Variants in KIRREL3 observed in about 807,000 individuals in gnomAD.
KIRREL3 encodes the protein kirre like nephrin family adhesion molecule 3.
KIRREL3 carries 36 observed loss-of-function variants against 89.7 expected under a neutral mutation model. The ratio of observed to expected loss-of-function variants is 0.40; its 90% CI spans 0.31 to 0.53. The LOEUF is 0.53. Among genes scored for constraint, KIRREL3 ranks in the 20% least tolerant of loss-of-function variants. KIRREL3 has a pLI of 0.49. For missense variants in KIRREL3, 864 were observed against 1,056.6 expected, an observed-to-expected ratio of 0.82 and a Z score of 2.53; for synonymous variants, 445 against 441.4, an observed-to-expected ratio of 1.01 and a Z score of -0.10.
intron 1 of KIRREL3, among the ~76,000 whole-genome samples, chr11:126,963,066 A>T (rs556374704): frequency 2.0e-5 from 3 of 152,320 alleles, no homozygotes; most frequent in South Asian, 2.1e-4. Flanking sequence ...CTTTATTGCA[A>T]TGCTCACTTC....
Position 126,562,703 on chromosome 11 carries a change from C to T in KIRREL3, c.133+132G>A. On this transcript the variant is annotated intron_variant, in intron 2 of 16. Transcript: ENST00000525144. The surrounding 1 kb of genome is among the most constrained non-coding windows in gnomAD (Gnocchi z 4.7). ...ATTGTACAAATGGCTTCATGGAAAC[C>T]AAACTGGTCTTCCCACTGTCCCCTT... 1 of 643,886 alleles carries T rather than the reference C, an allele frequency of 1.6e-6. No individual in the cohort carries two copies. Among genetic ancestry groups the T allele is most frequent in the Admixed American group, 2.9e-5 (1 of 34,782 alleles). The allele number at this position is 643,886 out of a possible 1,614,324, so 39.9% of individuals were successfully genotyped here.
In KIRREL3 at chr11:126,783,917, A is replaced by G. The variant is rs1950402785; in HGVS notation, c.55+216538T>C. The stretch of plus-strand genomic sequence containing the variant: ...AGCAACAGTGATGTGCCATGTTGAT[A>G]GCACACACCCTTGATAGGATACGAT... On this transcript the variant is annotated intron_variant, in intron 1 of 16. Coordinates refer to ENST00000525144, the MANE Select transcript of KIRREL3 (RefSeq NM_032531.4). This position sits in a 1 kb window ranked among gnomAD's most constrained non-coding sequence, Gnocchi z 4.3. Among the ~76,000 whole-genome samples the G allele has an allele frequency of 6.6e-6, 1 of 152,246 alleles. No homozygotes were observed. Among genetic ancestry groups the G allele is most frequent in the Non-Finnish European group, 1.5e-5 (1 of 68,040 alleles).
At chr11:126,487,370 C>G (rs932025511) in intron 4 of KIRREL3, among the ~76,000 whole-genome samples, 1 of 152,180 alleles carries the variant, frequency 6.6e-6, no homozygotes, top group African/African-American at 2.4e-5. Flanking sequence ...GAGACACACA[C>G]AGTCCTTTGG....
chr11:126,987,035 A>G lies in KIRREL3; in HGVS notation c.55+13420T>C, dbSNP rs1011463128. Among the ~76,000 whole-genome samples, 1 of 152,170 alleles carries G rather than the reference A, an allele frequency of 6.6e-6. No individual in the cohort carries two copies. Among genetic ancestry groups the G allele is most frequent in the African/African-American group, 2.4e-5 (1 of 41,444 alleles). On this transcript the variant is annotated intron_variant, in intron 1 of 16. Transcript: ENST00000525144. This position sits in a 1 kb window ranked among gnomAD's most constrained non-coding sequence, Gnocchi z 4.6. Reference sequence around the variant, plus strand: ...AGAAGGTCTGGACTGGGGTCCAAAAATGGGGATTTCTAACAATCTCCAAGT... The same window carrying G: ...AGAAGGTCTGGACTGGGGTCCAAAAGTGGGGATTTCTAACAATCTCCAAGT...
At chr11:126,968,595 C>T (rs1478986923) in intron 1 of KIRREL3, among the ~76,000 whole-genome samples, 3 of 152,180 alleles carry the variant, frequency 2.0e-5, no homozygotes, top group South Asian at 2.1e-4. Flanking sequence ...ATGCTAACAG[C>T]GTGCTGGAGA....
In KIRREL3 at chr11:126,981,225, C is replaced by A. The variant is rs1949711447; in HGVS notation, c.55+19230G>T. Among the ~76,000 whole-genome samples, 1 of 152,098 alleles carries A rather than the reference C, an allele frequency of 6.6e-6. No individual in the cohort carries two copies. Among genetic ancestry groups the A allele is most frequent in the Non-Finnish European group, 1.5e-5 (1 of 68,020 alleles). On this transcript the variant is annotated intron_variant, in intron 1 of 16. Transcript: ENST00000525144. This position sits in a 1 kb window ranked among gnomAD's most constrained non-coding sequence, Gnocchi z 4.2. ...CATGGCCCGTTGGACCACAGCAAGACCTTCTTATTTTTGCAAGCTATTCTA... is the reference window on the plus strand; with the variant it reads ...CATGGCCCGTTGGACCACAGCAAGAACTTCTTATTTTTGCAAGCTATTCTA...
intron 1 of KIRREL3, among the ~76,000 whole-genome samples, chr11:126,984,560 T>G (rs901108632): frequency 3.3e-5 from 5 of 152,206 alleles, no homozygotes; most frequent in Admixed American, 6.5e-5. Flanking sequence ...TGCTAAGTCC[T>G]TACTATAATG....
chr11:126,556,149 G>A (rs1939690081), intron 2 of KIRREL3, among the ~76,000 whole-genome samples: 1 of 152,196 alleles, frequency 6.6e-6, no homozygotes, highest in East Asian at 1.9e-4. Context: ...AAACGACCTG[G>A]GCATGGGGAT....
intron 1 of KIRREL3, among the ~76,000 whole-genome samples, chr11:126,967,417 TG>T (rs1271533743): frequency 6.6e-6 from 1 of 152,154 alleles, no homozygotes; most frequent in Non-Finnish European, 1.5e-5. Context: ...AGGGAAGATC[TG>T]CCTTCTGGCC....
Position 126,769,493 on chromosome 11 carries a change from C to A in KIRREL3, c.56-206581G>T, listed in dbSNP as rs1305638992. Among the ~76,000 whole-genome samples, 1 of 152,192 alleles carries A rather than the reference C, an allele frequency of 6.6e-6. No homozygotes were observed. Among genetic ancestry groups the A allele is most frequent in the East Asian group, 1.9e-4 (1 of 5,196 alleles). ...TGAAAACCGTGCACTCCTGTCTTCT[C>A]TCTAACAGTTAATGAGAACGATAGG... is the stretch of plus-strand genomic sequence containing the variant. On this transcript the variant is annotated intron_variant, in intron 1 of 16. Coordinates refer to ENST00000525144, the MANE Select transcript of KIRREL3 (RefSeq NM_032531.4). The surrounding 1 kb of genome is among the most constrained non-coding windows in gnomAD (Gnocchi z 4.3).
At chr11:126,692,390 C>A (rs1432379203) in intron 1 of KIRREL3, among the ~76,000 whole-genome samples, 1 of 151,448 alleles carries the variant, frequency 6.6e-6, no homozygotes, top group African/African-American at 2.4e-5. Context: ...ATTAAAAATA[C>A]AAAAATTAGC....
rs12801205 is a variant in KIRREL3, at chr11:126,484,084, G to C, written c.434-10618C>G. 2.0e-3 allele frequency among the ~76,000 whole-genome samples: 298 copies of C among 152,192 alleles called. No individual in the cohort carries two copies. The highest frequency in any genetic ancestry group is 3.5e-3 in the Non-Finnish European group (236 of 68,008). ...TGGTCCTTGCCAAATTCTCTCTCTAGTACTTAGTACAGTGCCTGGCATAGT... is the reference window on the plus strand; with the variant it reads ...TGGTCCTTGCCAAATTCTCTCTCTACTACTTAGTACAGTGCCTGGCATAGT... On this transcript the variant is annotated intron_variant, in intron 4 of 16. Transcript: ENST00000525144. This position sits in a 1 kb window ranked among gnomAD's most constrained non-coding sequence, Gnocchi z 5.2.
In KIRREL3 at chr11:126,994,846, G is replaced by A. The variant is rs560888064; in HGVS notation, c.55+5609C>T. Among the ~76,000 whole-genome samples the A allele has an allele frequency of 6.6e-6, 1 of 152,254 alleles. No individual in the cohort carries two copies. The highest frequency in any genetic ancestry group is 2.4e-5 in the African/African-American group (1 of 41,560). On this transcript the variant is annotated intron_variant, in intron 1 of 16. Coordinates refer to ENST00000525144, the MANE Select transcript of KIRREL3 (RefSeq NM_032531.4). This position sits in a 1 kb window ranked among gnomAD's most constrained non-coding sequence, Gnocchi z 5.2. ...TTCCGTGCTTCATAATAAAGCTTTG[G>A]CAGATGGCAGGACATAGCATCCCTT...
chr11:126,448,121 A>C (rs1005870512), intron 8 of KIRREL3, among the ~76,000 whole-genome samples: 1 of 151,992 alleles, frequency 6.6e-6, no homozygotes, highest in African/African-American at 2.4e-5. Context: ...TGTCTCTACT[A>C]AAAATACAAA....
rs1565553009 is a variant in KIRREL3 at position 126,562,152 on chromosome 11, G to A, written c.133+683C>T. ...GATGGAGAGGGTTATTAGCTGCATG[G>A]AGACAGATGGCTAGGGATGGAGAGG... On this transcript the variant is annotated intron_variant, in intron 2 of 16. Coordinates refer to ENST00000525144, the MANE Select transcript of KIRREL3 (RefSeq NM_032531.4). The surrounding 1 kb of genome is among the most constrained non-coding windows in gnomAD (Gnocchi z 4.7). 6.6e-6 allele frequency among the ~76,000 whole-genome samples: 1 copy of A among 152,200 alleles called. No homozygotes were observed. The highest frequency in any genetic ancestry group is 1.5e-5 in the Non-Finnish European group (1 of 68,038).
chr11:126,686,079 C>A lies in KIRREL3; in HGVS notation c.56-123167G>T, dbSNP rs1565649383. Among the ~76,000 whole-genome samples, 2 of 152,236 alleles carry A rather than the reference C, an allele frequency of 1.3e-5. No homozygotes were observed. The highest frequency in any genetic ancestry group is 2.4e-5 in the African/African-American group (1 of 41,466). On this transcript the variant is annotated intron_variant, in intron 1 of 16. Transcript: ENST00000525144. This position sits in a 1 kb window ranked among gnomAD's most constrained non-coding sequence, Gnocchi z 4.7. ...GTGGGCACTGTTCCTGAGGTGTGAG[C>A]AAACCCTGCCTCAGATGGCCCCCGA...
At chr11:126,792,113 G>C (rs1297365438) in intron 1 of KIRREL3, among the ~76,000 whole-genome samples, 1 of 152,114 alleles carries the variant, frequency 6.6e-6, no homozygotes, top group South Asian at 2.1e-4. Context: ...GGGAGGCAGC[G>C]AGATGTAAAT....
intron 1 of KIRREL3, among the ~76,000 whole-genome samples, chr11:126,698,772 A>G (rs922369112): frequency 6.6e-6 from 1 of 152,236 alleles, no homozygotes; most frequent in African/African-American, 2.4e-5. Context: ...AGTGACTCCA[A>G]CTGCCATTGG....
intron 1 of KIRREL3, among the ~76,000 whole-genome samples, chr11:126,688,238 G>A: frequency 6.6e-6 from 1 of 152,326 alleles, no homozygotes; most frequent in African/African-American, 2.4e-5. Context: ...GATCTCTGAT[G>A]AGTGCATTCA....
Sources: allele counts gnomAD v4.1 joint callset (sites outside exome capture counted in the v4.1 genomes callset), GRCh38; gene constraint gnomAD v4.1.1; non-coding constraint Gnocchi (gnomAD v3.1); transcripts MANE v1.5; gene names NCBI Gene and HGNC (gene_info 2026-07-23, HGNC 2026-07-21).